EHMT2: variants seen among roughly 807,000 people sequenced by gnomAD.
EHMT2 encodes the protein euchromatic histone lysine methyltransferase 2.
Under a neutral mutation model 143.3 loss-of-function variants are expected in EHMT2, and 59 were observed. The ratio of observed to expected loss-of-function variants is 0.41; its 90% CI spans 0.33 to 0.51. The LOEUF (loss-of-function observed/expected upper bound fraction) is 0.51, where lower values mean the gene tolerates loss of function less well. Among genes scored for constraint, EHMT2 ranks in the 20% least tolerant of loss-of-function variants. EHMT2 has a pLI of 0.18. For synonymous variants in EHMT2, 604 were observed against 651.5 expected (o/e 0.93, Z 1.11); for missense variants, 1,174 against 1,645.9 (o/e 0.71, Z 4.96).
Position 31,889,449 on chromosome 6 carries a change from A to G in EHMT2, c.999+19T>C. On this transcript the variant is annotated intron_variant, in intron 8 of 27. Coordinates refer to ENST00000375537, the Ensembl canonical transcript of EHMT2. This position sits in a 1 kb window ranked among gnomAD's most constrained non-coding sequence, Gnocchi z 5.1. ...CATAGTCTCCCACTCCTCTGGAGAT[A>G]TCAGCCTCCGTCTCTTACCCTATCT... 1 of 1,611,998 alleles carries G rather than the reference A, an allele frequency of 6.2e-7. No homozygotes were observed. Among genetic ancestry groups the G allele is most frequent in the Non-Finnish European group, 8.5e-7 (1 of 1,179,498 alleles).
rs534449189 is a variant in EHMT2 at position 31,889,504 on chromosome 6, T to C, written c.963A>G (p.Glu321=). The change falls in exon 8 of 28, where the codon GAA becomes GAG. Residue 321 remains glutamate, a synonymous_variant. Transcript: ENST00000375537. This position sits in a 1 kb window ranked among gnomAD's most constrained non-coding sequence, Gnocchi z 5.1. The stretch of plus-strand genomic sequence containing the variant: ...GATTCCCTGACTCCTCATCTTCCTC[T>C]TCTTCTTCCTCTTCCTCCTCCTCTT... The C allele has an allele frequency of 1.9e-5, 31 of 1,612,006 alleles. No individual in the cohort carries two copies. The highest frequency in any genetic ancestry group is 6.7e-5 in the East Asian group (3 of 44,882).
intron 1 of EHMT2, chr6:31,897,222 G>A (rs1381523271): frequency 1.2e-5 from 15 of 1,227,270 alleles, no homozygotes; most frequent in Non-Finnish European, 1.5e-5. Flanking sequence ...CGAGAGAAGA[G>A]GAGGGGGAGG....
At chr6:31,893,151 G>C (rs1765921564) in intron 4 of EHMT2, 1 of 539,544 alleles carries the variant, frequency 1.9e-6, no homozygotes. Context: ...TTACAGATGA[G>C]AAAACAAAGC....
rs1187880721 is a variant in EHMT2 at position 31,888,881 on chromosome 6, C to G, written c.1216+88G>C. The G allele has an allele frequency of 2.0e-6, 3 of 1,493,664 alleles. No homozygotes were observed. The highest frequency in any genetic ancestry group is 2.7e-6 in the Non-Finnish European group (3 of 1,099,870). The allele number at this position is 1,493,664 out of a possible 1,614,324, so 92.5% of individuals were successfully genotyped here. On this transcript the variant is annotated intron_variant, in intron 10 of 27. Coordinates refer to ENST00000375537, the Ensembl canonical transcript of EHMT2. This position sits in a 1 kb window ranked among gnomAD's most constrained non-coding sequence, Gnocchi z 7.4. Reference sequence around the variant, plus strand: ...CCCTAAAGCCTGGCCATGGACACCCCGGCTCTGGCGTGGTTCCCCTCCTTC... The same window carrying G: ...CCCTAAAGCCTGGCCATGGACACCCGGGCTCTGGCGTGGTTCCCCTCCTTC...
rs368474169 is a variant in EHMT2, at chr6:31,888,314, C to T, written c.1510-38G>A. On this transcript the variant is annotated intron_variant, in intron 12 of 27. Coordinates refer to ENST00000375537, the Ensembl canonical transcript of EHMT2. The surrounding 1 kb of genome is among the most constrained non-coding windows in gnomAD (Gnocchi z 7.4). Reference sequence around the variant, plus strand: ...AAACGACATGGTCAGGTTACTGGGGCCCCCTCTGCCACAGGGCATGCTACC... The same window carrying T: ...AAACGACATGGTCAGGTTACTGGGGTCCCCTCTGCCACAGGGCATGCTACC... 1,966 of 1,611,234 alleles carry T rather than the reference C, an allele frequency of 1.2e-3. 17 individuals are homozygous for T. The highest frequency in any genetic ancestry group is 0.011 in the South Asian group (995 of 90,838).
chr6:31,891,537 A>G (rs2151641721), intron 7 of EHMT2, among the ~76,000 whole-genome samples: 1 of 152,328 alleles, frequency 6.6e-6, no homozygotes, highest in African/African-American at 2.4e-5. Context: ...AGATGGGTCA[A>G]GATGGACTGT....
At chr6:31,893,372 G>C in intron 4 of EHMT2, 1 of 449,692 alleles carries the variant, frequency 2.2e-6, no homozygotes, top group Non-Finnish European at 4.5e-6. Flanking sequence ...CCAGGATGGA[G>C]TGCAGTGGCA....
intron 14 of EHMT2, 38 bp from the exon 15 acceptor site, chr6:31,887,697 C>T (rs761083136): frequency 6.2e-7 from 1 of 1,610,578 alleles, no homozygotes; most frequent in Non-Finnish European, 8.5e-7. Flanking sequence ...AGAAGGGGAG[C>T]TCCTCAGATT....
In EHMT2 at chr6:31,884,078, G is replaced by A; in HGVS notation, c.2772-128C>T. 1 of 1,029,058 alleles carries A rather than the reference G, an allele frequency of 9.7e-7. No individual in the cohort carries two copies. Among genetic ancestry groups the A allele is most frequent in the Non-Finnish European group, 1.4e-6 (1 of 723,154 alleles). 63.7% of individuals were successfully genotyped at this position (1,029,058 alleles called of 1,614,324 possible). ...GGGGAGTAAGGTTGCCAGGTAAGATGCAGGACAGCGAGTTAACATAGAATT... is the reference window on the plus strand; with the variant it reads ...GGGGAGTAAGGTTGCCAGGTAAGATACAGGACAGCGAGTTAACATAGAATT... On this transcript the variant is annotated intron_variant, in intron 21 of 27. Transcript: ENST00000375537. This position sits in a 1 kb window ranked among gnomAD's most constrained non-coding sequence, Gnocchi z 7.3.
In EHMT2 at chr6:31,884,300, G is replaced by A. The variant is rs1310434245; in HGVS notation, c.2771+92C>T. The A allele has an allele frequency of 3.6e-5, 52 of 1,432,006 alleles. No homozygotes were observed. Among genetic ancestry groups the A allele is most frequent in the Non-Finnish European group, 4.4e-5 (47 of 1,059,418 alleles). The allele number at this position is 1,432,006 out of a possible 1,614,324, so 88.7% of individuals were successfully genotyped here. A position where few individuals can be genotyped will look rare whatever the true frequency, so the allele number is the denominator to read the frequency against. On this transcript the variant is annotated intron_variant, in intron 21 of 27. Coordinates refer to ENST00000375537, the Ensembl canonical transcript of EHMT2. This position sits in a 1 kb window ranked among gnomAD's most constrained non-coding sequence, Gnocchi z 7.3. Reference sequence around the variant, plus strand: ...GGGATTCAGTGGTGCATGGGGAGGGGTTGGGGAATGTTGTGAGGATGCAAT... The same window carrying A: ...GGGATTCAGTGGTGCATGGGGAGGGATTGGGGAATGTTGTGAGGATGCAAT...
At chr6:31,896,806 T>C in exon 3 of EHMT2, 1 of 1,612,764 alleles carries the variant, frequency 6.2e-7, no homozygotes, top group Non-Finnish European at 8.5e-7. Context: ...ACGAGGGGTG[T>C]CCCCCAAAGA....
At chr6:31,885,151 C>G (rs965260794) in intron 18 of EHMT2, 135 bp from the exon 19 acceptor site, 11 of 1,219,340 alleles carry the variant, frequency 9.0e-6, no homozygotes, top group Non-Finnish European at 6.6e-6. Flanking sequence ...AGTCACTTAA[C>G]GTCTCTGGGT....
At position 31,887,778 on chromosome 6, in the gene EHMT2, C is replaced by T. The variant is rs1294138857; in HGVS notation, c.1928+1G>A. The T allele has an allele frequency of 6.3e-7, 1 of 1,599,240 alleles. No individual in the cohort carries two copies. Among genetic ancestry groups the T allele is most frequent in the Non-Finnish European group, 8.5e-7 (1 of 1,175,118 alleles). On this transcript the variant is annotated splice_donor_variant, in intron 14 of 27. Transcript: ENST00000375537. LOFTEE classifies it high-confidence loss of function. Reference sequence around the variant, plus strand: ...CTGTGCCTGAGCAACTCCCCACTCACCTCTCTGACTCCTGGATGACCAGGG... The same window carrying T: ...CTGTGCCTGAGCAACTCCCCACTCATCTCTCTGACTCCTGGATGACCAGGG...
In EHMT2 at chr6:31,883,806, C is replaced by T. The variant is rs767294164; in HGVS notation, c.2916G>A (p.Gln972=). 1 of 1,613,656 alleles carries T rather than the reference C, an allele frequency of 6.2e-7. No homozygotes were observed. Among genetic ancestry groups the T allele is most frequent in the South Asian group, 1.1e-5 (1 of 91,076 alleles). ...GGGAGGCCCCGGGCCCCCTACTCACCTGCAGGTGGGTGATGTTGCGATCGA... is the reference window on the plus strand; with the variant it reads ...GGGAGGCCCCGGGCCCCCTACTCACTTGCAGGTGGGTGATGTTGCGATCGA... Residue 972 remains glutamine (Q), a splice_region_variant and synonymous_variant, in exon 22 of 28, where the codon CAG becomes CAA. Coordinates refer to ENST00000375537, the Ensembl canonical transcript of EHMT2. The surrounding 1 kb of genome is among the most constrained non-coding windows in gnomAD (Gnocchi z 5.6).
Position 31,880,894 on chromosome 6 carries a change from T to A in EHMT2, c.3277-46A>T. ...TCTTCACATCTCCCCCGACCCTGCTTGCCCTCCCCACCCACTGACTCCCCA... is the reference window on the plus strand; with the variant it reads ...TCTTCACATCTCCCCCGACCCTGCTAGCCCTCCCCACCCACTGACTCCCCA... On this transcript the variant is annotated intron_variant, in intron 26 of 27. Coordinates refer to ENST00000375537, the Ensembl canonical transcript of EHMT2. The surrounding 1 kb of genome is among the most constrained non-coding windows in gnomAD (Gnocchi z 6.6). The A allele has an allele frequency of 6.2e-7, 1 of 1,610,692 alleles. No individual in the cohort carries two copies. The highest frequency in any genetic ancestry group is 8.5e-7 in the Non-Finnish European group (1 of 1,177,982).
exon 16 of EHMT2, chr6:31,887,032 T>C (rs1166711461): frequency 6.2e-7 from 1 of 1,613,808 alleles, no homozygotes; most frequent in South Asian, 1.1e-5. Flanking sequence ...GGAGCCCTTC[T>C]GGGCGGCTGC....
chr6:31,894,352 C>T (rs1379040519), intron 4 of EHMT2, among the ~76,000 whole-genome samples: 1 of 152,124 alleles, frequency 6.6e-6, no homozygotes, highest in African/African-American at 2.4e-5. Flanking sequence ...TCACCATGTT[C>T]GTCCGGCTGG....
At chr6:31,896,934 G>A in exon 2 of EHMT2, 2 of 1,597,406 alleles carry the variant, frequency 1.3e-6, no homozygotes, top group South Asian at 1.1e-5. Flanking sequence ...TCTCTCGGTG[G>A]CTCCTCTGGT....
At chr6:31,896,040 T>C in intron 4 of EHMT2, 1 of 527,298 alleles carries the variant, frequency 1.9e-6, no homozygotes, top group Non-Finnish European at 3.3e-6. Context: ...AACTATATAA[T>C]TGACTCTTTA....
Sources: gnomAD v4.1 joint callset for allele counts (sites outside exome capture counted in the v4.1 genomes callset) on GRCh38, gnomAD v4.1.1 for gene constraint, Gnocchi (gnomAD v3.1) non-coding constraint, MANE v1.5 for transcripts, NCBI Gene and HGNC (gene_info 2026-07-23, HGNC 2026-07-21) for gene names.